OR2L13: variants seen among roughly 807,000 people sequenced by gnomAD.
OR2L13 encodes olfactory receptor 2L13.
Under a neutral mutation model 15.3 loss-of-function variants are expected in OR2L13, and 14 were observed. The observed-to-expected ratio is 0.91, with a 90% CI of 0.60 to 1.43. The LOEUF (loss-of-function observed/expected upper bound fraction) is 1.43, where lower values mean the gene tolerates loss of function less well. Ranked by LOEUF, OR2L13 falls within the 40% of genes most tolerant of loss-of-function variation. OR2L13 has a pLI of 0.00. For synonymous variants in OR2L13, 152 were observed against 142.9 expected (o/e 1.06, Z -0.45); for missense variants, 367 against 387.9 (o/e 0.95, Z 0.45).
the OR2L13 span, among the ~76,000 whole-genome samples, chr1:248,082,752 T>G: frequency 6.6e-6 from 1 of 152,214 alleles, no homozygotes; most frequent in African/African-American, 2.4e-5. Flanking sequence ...TCTACTCACC[T>G]ATGCCTTGGC....
the OR2L13 span, chr1:248,083,984 C>A: frequency 6.2e-7 from 1 of 1,606,170 alleles, no homozygotes; most frequent in Non-Finnish European, 8.5e-7. Flanking sequence ...GGACCAGGAG[C>A]ATTAACACAC....
At chr1:247,971,370 G>A in the OR2L13 span, among the ~76,000 whole-genome samples, 1 of 152,122 alleles carries the variant, frequency 6.6e-6, no homozygotes, top group African/African-American at 2.4e-5. Context: ...GTGGAAGAAA[G>A]GTTGGTTGAG....
At chr1:248,074,521 C>T in the OR2L13 span, among the ~76,000 whole-genome samples, 8 of 152,128 alleles carry the variant, frequency 5.3e-5, no homozygotes, top group East Asian at 1.5e-3. Context: ...AATAAACATA[C>T]AAAAATCAAT....
the OR2L13 span, chr1:247,966,536 G>A: frequency 3.8e-6 from 2 of 520,294 alleles, no homozygotes; most frequent in African/African-American, 4.0e-5. Context: ...ACTCTGAAAT[G>A]TGAACCATAA....
At chr1:247,957,483 T>G in the OR2L13 span, among the ~76,000 whole-genome samples, 2 of 152,208 alleles carry the variant, frequency 1.3e-5, no homozygotes, top group African/African-American at 4.8e-5. Flanking sequence ...GGATTCCCTC[T>G]TTTTCTATTG....
At chr1:248,069,265 C>T in the OR2L13 span, among the ~76,000 whole-genome samples, 3 of 152,194 alleles carry the variant, frequency 2.0e-5, no homozygotes, top group Non-Finnish European at 4.4e-5. Context: ...ATCAGCCTAA[C>T]AGTGGATCTC....
chr1:247,948,904 T>A, the OR2L13 span: 7 of 1,613,424 alleles, frequency 4.3e-6, no homozygotes, highest in Non-Finnish European at 5.9e-6. Context: ...TTATTGGGGC[T>A]GTTTCCACCA....
the OR2L13 span, among the ~76,000 whole-genome samples, chr1:247,967,709 T>C: frequency 6.6e-6 from 1 of 152,084 alleles, no homozygotes; most frequent in Non-Finnish European, 1.5e-5. Flanking sequence ...TTCATTGACC[T>C]CCTATAATTA....
chr1:247,960,272 A>T, the OR2L13 span, among the ~76,000 whole-genome samples: 1 of 152,128 alleles, frequency 6.6e-6, no homozygotes, highest in Non-Finnish European at 1.5e-5. Flanking sequence ...GTGAACAGCA[A>T]GTGTTGCCGC....
the OR2L13 span, chr1:248,023,154 C>T: frequency 3.8e-6 from 1 of 261,180 alleles, no homozygotes; most frequent in Non-Finnish European, 7.3e-6. Context: ...TAAATCAAAA[C>T]AATAAATGTC....
At chr1:248,010,553 G>C in the OR2L13 span, among the ~76,000 whole-genome samples, 1 of 151,872 alleles carries the variant, frequency 6.6e-6, no homozygotes, top group Non-Finnish European at 1.5e-5. Flanking sequence ...TTATTGTGTG[G>C]GAGTCTAAGT....
At chr1:248,047,562 T>G in the OR2L13 span, among the ~76,000 whole-genome samples, 2 of 152,168 alleles carry the variant, frequency 1.3e-5, no homozygotes, top group African/African-American at 4.8e-5. Flanking sequence ...CCAGATTTTG[T>G]TTTTACACGC....
At chr1:247,974,650 C>A in the OR2L13 span, 1 of 198,370 alleles carries the variant, frequency 5.0e-6, no homozygotes, top group East Asian at 1.4e-4. Context: ...CAGGCATTCC[C>A]TGGAGGTCTT....
chr1:248,013,950 G>A, the OR2L13 span, among the ~76,000 whole-genome samples: 2 of 151,948 alleles, frequency 1.3e-5, no homozygotes, highest in Non-Finnish European at 2.9e-5. Flanking sequence ...TGTGTTTCCC[G>A]GATTGGAAGG....
At chr1:248,039,237 A>G in the OR2L13 span, 1 of 1,572,466 alleles carries the variant, frequency 6.4e-7, no homozygotes, top group Non-Finnish European at 8.6e-7. Context: ...TCAAAGCGCT[A>G]GGTTCATATC....
the OR2L13 span, chr1:248,004,137 TATC>T: frequency 1.6e-6 from 2 of 1,284,136 alleles, no homozygotes; most frequent in South Asian, 1.7e-5. Context: ...GTAATTAAAA[TATC>T]ATTTCATTCC....
At chr1:247,964,899 T>A in the OR2L13 span, among the ~76,000 whole-genome samples, 1 of 142,972 alleles carries the variant, frequency 7.0e-6, no homozygotes, top group South Asian at 2.2e-4. Context: ...TTATATAATA[T>A]TCATAAATAC....
At chr1:248,003,768 T>C in the OR2L13 span, 2 of 1,613,922 alleles carry the variant, frequency 1.2e-6, no homozygotes, top group South Asian at 1.1e-5. Flanking sequence ...TTCATTGCTA[T>C]TTCATGTTCC....
chr1:247,949,630 A>G, the OR2L13 span: 2 of 1,613,914 alleles, frequency 1.2e-6, no homozygotes, highest in Admixed American at 1.7e-5. Flanking sequence ...GTCTACACTT[A>G]TCTACGTCCA....
Sources: allele counts gnomAD v4.1 joint callset (sites outside exome capture counted in the v4.1 genomes callset), GRCh38; gene constraint gnomAD v4.1.1; transcripts MANE v1.5; gene names NCBI Gene and HGNC (gene_info 2026-07-23, HGNC 2026-07-21).